The following CDK15 variants were observed in gnomAD, a reference collection of about 807,000 sequenced individuals.
The protein encoded by CDK15 is cyclin dependent kinase 15.
CDK15 carries 62 observed loss-of-function variants against 60.3 expected under a neutral mutation model. The ratio of observed to expected loss-of-function variants is 1.03; its 90% CI spans 0.84 to 1.27. The LOEUF (loss-of-function observed/expected upper bound fraction) is 1.27. CDK15 is among the 50% of genes most tolerant of loss of function. The pLI is 0.00. For synonymous variants in CDK15, 194 were observed against 195.7 expected (o/e 0.99, Z 0.07); for missense variants, 541 against 527.8 (o/e 1.03, Z -0.25).
intron 11 of CDK15, chr2:201,876,538 A>T: frequency 7.8e-7 from 1 of 1,278,086 alleles, no homozygotes; most frequent in Admixed American, 2.3e-5. Context: ...AAGAGACTTC[A>T]CTTGCCCGCT....
intron 12 of CDK15, among the ~76,000 whole-genome samples, chr2:201,890,155 C>T (rs765642787): frequency 1.3e-5 from 2 of 152,104 alleles, no homozygotes; most frequent in Middle Eastern, 3.2e-3. Flanking sequence ...CTATCACTCT[C>T]GAACATCACC....
At chr2:201,839,038 T>G (rs1180938025) in intron 8 of CDK15, among the ~76,000 whole-genome samples, 1 of 152,198 alleles carries the variant, frequency 6.6e-6, no homozygotes, top group Non-Finnish European at 1.5e-5. Flanking sequence ...CCTCCCAGGT[T>G]CACGCCATTC....
intron 9 of CDK15, among the ~76,000 whole-genome samples, chr2:201,849,109 T>C (rs964608174): frequency 1.3e-5 from 2 of 152,212 alleles, no homozygotes; most frequent in African/African-American, 4.8e-5. Context: ...TAAATGAACA[T>C]GGGCAAGTTA....
At position 201,822,905 on chromosome 2, in the gene CDK15, T is replaced by C. The variant is rs1696296931; in HGVS notation, c.543+2T>C. 6.3e-7 allele frequency: 1 copy of C among 1,584,820 alleles called. No individual in the cohort carries two copies. The highest frequency in any genetic ancestry group is 8.7e-7 in the Non-Finnish European group (1 of 1,153,710). ...CTGACATTCGTTTTTGAATACATGG[T>C]GAGTTGTTCGAGCATTTTACAACAC... is the stretch of plus-strand genomic sequence containing the variant. On this transcript the variant is annotated splice_donor_variant, in intron 5 of 13. Transcript: ENST00000652192. LOFTEE classifies it high-confidence loss of function.
At chr2:201,834,090 G>A in intron 7 of CDK15, 119 bp downstream of exon 7, 5 of 1,226,136 alleles carry the variant, frequency 4.1e-6, no homozygotes, top group Non-Finnish European at 5.5e-6. Flanking sequence ...ATGATGCTTT[G>A]TGAGGATATC....
rs570053529 is a variant in CDK15 at position 201,855,824 on chromosome 2, C to CTT, written c.1009+904_1009+905dup. Among the ~76,000 whole-genome samples the CTT allele has an allele frequency of 1.9e-3, 258 of 133,990 alleles. 3 individuals are homozygous for CTT. The highest frequency in any genetic ancestry group is 5.8e-3 in the African/African-American group (208 of 36,010). 87.9% of individuals were successfully genotyped at this position (133,990 alleles called of 152,430 possible). ...AAATCTTCCCAAATTGTTGTCCTTA[C>CTT]TTTTTTTTTTTTTTTTTTGAGATGG... On this transcript the variant is annotated intron_variant, in intron 10 of 13. Coordinates refer to ENST00000652192, the MANE Select transcript of CDK15 (RefSeq NM_001366386.2).
chr2:201,888,041 T>C (rs1211228511), intron 12 of CDK15, among the ~76,000 whole-genome samples: 4 of 151,982 alleles, frequency 2.6e-5, no homozygotes, highest in African/African-American at 9.7e-5. Context: ...ACCTTTTTTT[T>C]TTTTTTTTTT....
At position 201,865,892 on chromosome 2, in the gene CDK15, C is replaced by CCA. The variant is rs753825925; in HGVS notation, c.1010-6386_1010-6385insCA. ...GCGACAGAGCAAGATTCCATCTCAA[C>CCA]AAAAAAAAAAAAAAAAAAAAAAAAA... On this transcript the variant is annotated intron_variant, in intron 10 of 13. Coordinates refer to ENST00000652192, the MANE Select transcript of CDK15 (RefSeq NM_001366386.2). Among the ~76,000 whole-genome samples the CCA allele has an allele frequency of 1.0e-4, 4 of 40,084 alleles. No homozygotes were observed. In the East Asian group the frequency reaches 3.8e-3, roughly 38 times the overall value. 26.3% of individuals were successfully genotyped at this position (40,084 alleles called of 152,430 possible).
chr2:201,885,724 G>A (rs938528111), intron 12 of CDK15, among the ~76,000 whole-genome samples: 2 of 152,108 alleles, frequency 1.3e-5, no homozygotes, highest in Admixed American at 1.3e-4. Flanking sequence ...ATTCAGAAAA[G>A]AGTTATTTAT....
At chr2:201,876,582 AAGG>A in intron 11 of CDK15, 2 of 1,288,280 alleles carry the variant, frequency 1.6e-6, no homozygotes, top group Non-Finnish European at 2.0e-6. Flanking sequence ...GGCGAAGGAG[AAGG>A]AGAAGCAAAG....
Position 201,833,897 on chromosome 2 carries a change from AC to A in CDK15, c.657del (p.His219GlnfsTer7). 7 of 1,613,832 alleles carry A rather than the reference AC, an allele frequency of 4.3e-6. No homozygotes were observed. Among genetic ancestry groups the A allele is most frequent in the Non-Finnish European group, 5.9e-6 (7 of 1,179,930 alleles). On this transcript the variant is annotated frameshift_variant, in exon 7 of 14. Transcript: ENST00000652192. LOFTEE classifies it high-confidence loss of function. ...GGCCTGGCGTACATCCACCACCAAC[AC>A]GTTCTTCACAGGGACCTGAAACCTC... ...LRGLAYIHHQHVLHRDLKPQN... is the reference protein window; with the variant it reads ...LRGLAYIHHQXVLHRDLKPQN...
intron 4 of CDK15, among the ~76,000 whole-genome samples, chr2:201,813,107 T>C (rs915477878): frequency 1.3e-5 from 2 of 152,138 alleles, no homozygotes; most frequent in African/African-American, 4.8e-5. Context: ...GTTGGGTAGG[T>C]TACTTTAGCT....
chr2:201,843,736 T>G (rs1011658793), intron 8 of CDK15, among the ~76,000 whole-genome samples: 1 of 152,156 alleles, frequency 6.6e-6, no homozygotes, highest in Non-Finnish European at 1.5e-5. Context: ...AAAATGCAAA[T>G]GGAGAATTTC....
rs368949428 is a variant in CDK15, at chr2:201,875,521, G to A, written c.1058+3195G>A. 9.8e-5 allele frequency among the ~76,000 whole-genome samples: 15 copies of A among 152,292 alleles called. 1 individual carries two copies. Among genetic ancestry groups the A allele is most frequent in the African/African-American group, 3.6e-4 (15 of 41,562 alleles). On this transcript the variant is annotated intron_variant, in intron 11 of 13. Transcript: ENST00000652192. ...TCTTTGAGAATATTTGTTACAGCGT[G>A]ATTTTAATAGTACTACCTCCATCCC... is the stretch of plus-strand genomic sequence containing the variant.
chr2:201,816,100 A>T (rs10931971), intron 4 of CDK15, among the ~76,000 whole-genome samples: 1 of 152,038 alleles, frequency 6.6e-6, no homozygotes, highest in Admixed American at 6.5e-5. Context: ...TTATATAAAC[A>T]TTAAGGAAAA....
At chr2:201,880,805 T>C (rs1699248095) in intron 12 of CDK15, among the ~76,000 whole-genome samples, 1 of 152,142 alleles carries the variant, frequency 6.6e-6, no homozygotes, top group South Asian at 2.1e-4. Context: ...TTTCTTGGAC[T>C]GTGGCCAGGA....
chr2:201,846,490 CA>C (rs72164831), intron 8 of CDK15, among the ~76,000 whole-genome samples: 40,826 of 126,436 alleles, frequency 0.32, 6,756 homozygotes, highest in African/African-American at 0.5. Context: ...AAGATTCCAC[CA>C]AAAAAAAAAA....
rs146335373 is a variant in CDK15, at chr2:201,834,608, G to A, written c.730+637G>A. Among the ~76,000 whole-genome samples, 228 of 152,254 alleles carry A rather than the reference G, an allele frequency of 1.5e-3. 2 individuals carry two copies. The highest frequency in any genetic ancestry group is 5.0e-3 in the African/African-American group (209 of 41,552). On this transcript the variant is annotated intron_variant, in intron 7 of 13. Coordinates refer to ENST00000652192, the MANE Select transcript of CDK15 (RefSeq NM_001366386.2). ...CACACACAAATATATATAGATTTGC[G>A]TGATGATTTTGTCTCAACTGGACTG...
Position 201,854,857 on chromosome 2 carries a change from T to C in CDK15, c.946-17T>C. ...TCCCCACCTCACCTTTCTTTTTCTT[T>C]GTTTGGCTTTATATAGGTGCTGGGA... On this transcript the variant is annotated splice_polypyrimidine_tract_variant and intron_variant, in intron 9 of 13. Coordinates refer to ENST00000652192, the MANE Select transcript of CDK15 (RefSeq NM_001366386.2). 6.2e-7 allele frequency: 1 copy of C among 1,613,332 alleles called. No individual in the cohort carries two copies. The highest frequency in any genetic ancestry group is 1.1e-5 in the South Asian group (1 of 91,030).
Sources: allele counts gnomAD v4.1 joint callset (sites outside exome capture counted in the v4.1 genomes callset), GRCh38; gene constraint gnomAD v4.1.1; transcripts MANE v1.5; gene names NCBI Gene and HGNC (gene_info 2026-07-23, HGNC 2026-07-21).